Variants in MDM1 observed in about 807,000 individuals in gnomAD.
The protein encoded by MDM1 is stabilizer of axonemal microtubules 6.
Under a neutral mutation model 89.1 loss-of-function variants are expected in MDM1, and 61 were observed. That is an observed-to-expected ratio of 0.68 (90% CI 0.56 to 0.85). The LOEUF is 0.85. Among genes scored for constraint, MDM1 ranks in the 40% least tolerant of loss-of-function variants. The probability of loss-of-function intolerance (pLI) is 0.00; values close to 1 mark genes in which losing one functional copy is unlikely to be tolerated. For missense variants in MDM1, 820 were observed against 846.5 expected (o/e 0.97, Z 0.39); for synonymous variants, 290 against 294.1 (o/e 0.99, Z 0.14).
In MDM1 at chr12:68,302,390, G is replaced by T. The variant is rs141989961; in HGVS notation, c.2002+230C>A. 2.2e-4 allele frequency among the ~76,000 whole-genome samples: 34 copies of T among 152,304 alleles called. No homozygotes were observed. In the East Asian group the frequency reaches 6.2e-3, roughly 28 times the overall value. ...TCTAGTGGATTCCCTGTATGTGTAT[G>T]AATAAGAACTTGAGAGATATCTCAC... On this transcript the variant is annotated intron_variant, in intron 13 of 14. Transcript: ENST00000682720.
At chr12:68,316,499 T>A in intron 8 of MDM1, 82 bp downstream of exon 8, 1 of 1,201,352 alleles carries the variant, frequency 8.3e-7, no homozygotes. Flanking sequence ...CTAAGAAAAA[T>A]ATTGACACCT....
At chr12:68,325,216 T>G in intron 4 of MDM1, 1 of 1,142,394 alleles carries the variant, frequency 8.8e-7, no homozygotes, top group Non-Finnish European at 1.1e-6. Flanking sequence ...TTAGTATATG[T>G]GCTGCATCTG....
In MDM1 at chr12:68,325,536, C is replaced by G. The variant is rs747552889; in HGVS notation, c.538G>C (p.Val180Leu). The change falls in exon 4 of 15, where the codon GTT (valine) becomes CTT (leucine). Residue 180 changes from valine to leucine, a missense_variant. Val to Leu is a conservative substitution (Grantham distance 32, BLOSUM62 1). Transcript: ENST00000682720. ...TTTCTCAAGGCATTATATGAAGGAA[C>G]AACAGTCAATCCAGCTTTCTTACGC... ...LLRKKAGLTV[V>L]PSYNALRNSE... 2 of 1,593,516 alleles carry G rather than the reference C, an allele frequency of 1.3e-6. No individual in the cohort carries two copies. The highest frequency in any genetic ancestry group is 2.3e-5 in the South Asian group (2 of 85,838).
intron 13 of MDM1, among the ~76,000 whole-genome samples, chr12:68,298,299 C>A (rs1259504283): frequency 6.6e-6 from 1 of 152,140 alleles, no homozygotes; most frequent in African/African-American, 2.4e-5. Context: ...AAGCCAGCAC[C>A]CTAAGCCTAT....
intron 12 of MDM1, among the ~76,000 whole-genome samples, chr12:68,305,797 C>T (rs1252212603): frequency 6.6e-6 from 1 of 151,780 alleles, no homozygotes; most frequent in Non-Finnish European, 1.5e-5. Context: ...TCGGAAGAAT[C>T]GATATTGTTA....
At chr12:68,315,587 C>T (rs1874380315) in intron 9 of MDM1, among the ~76,000 whole-genome samples, 1 of 152,166 alleles carries the variant, frequency 6.6e-6, no homozygotes, top group Non-Finnish European at 1.5e-5. Flanking sequence ...AACTAGGACC[C>T]CATGGTCTAA....
At chr12:68,318,032 G>A (rs973134058) in intron 7 of MDM1, among the ~76,000 whole-genome samples, 1 of 152,220 alleles carries the variant, frequency 6.6e-6, no homozygotes, top group African/African-American at 2.4e-5. Flanking sequence ...GAGGGAAAAC[G>A]CAGCACTTAA....
At position 68,316,342 on chromosome 12, in the gene MDM1, ACAGC is replaced by A. The variant is rs962079340; in HGVS notation, c.1036-93_1036-90del. ...AGCATATCAAAGACATTGCACAAAT[ACAGC>A]CAGGGACCAAAGACAAAGGAAGGCA... On this transcript the variant is annotated intron_variant, in intron 8 of 14. Transcript: ENST00000682720. 2.1e-4 allele frequency: 296 copies of A among 1,378,476 alleles called. 1 individual carries two copies. Among genetic ancestry groups the A allele is most frequent in the Middle Eastern group, 4.9e-4 (2 of 4,072 alleles). 85.4% of individuals were successfully genotyped at this position (1,378,476 alleles called of 1,614,324 possible).
chr12:68,319,312 G>T (rs759921405), intron 7 of MDM1, among the ~76,000 whole-genome samples: 10 of 152,132 alleles, frequency 6.6e-5, no homozygotes, highest in Non-Finnish European at 1.5e-4. Flanking sequence ...ACTTGGCATA[G>T]AATTTCCAGT....
intron 2 of MDM1, chr12:68,327,341 A>C (rs1331792688): frequency 6.6e-7 from 1 of 1,520,396 alleles, no homozygotes; most frequent in Non-Finnish European, 8.8e-7. Flanking sequence ...CAGGCAGTAC[A>C]TGCTGCCTCG....
chr12:68,314,417 C>T (rs936968303), intron 10 of MDM1, among the ~76,000 whole-genome samples: 6 of 152,140 alleles, frequency 3.9e-5, no homozygotes, highest in Non-Finnish European at 7.3e-5. Flanking sequence ...TTCCTCACAT[C>T]AAGGCTCAAG....
At chr12:68,296,830 C>T in intron 14 of MDM1, 93 bp downstream of exon 14, 1 of 795,032 alleles carries the variant, frequency 1.3e-6, no homozygotes, top group Non-Finnish European at 1.9e-6. Context: ...TGTGGAAGTA[C>T]TTCATAAGCT....
chr12:68,295,265 C>T lies in MDM1; in HGVS notation c.2164G>A (p.Gly722Ser), dbSNP rs759235456. The T allele has an allele frequency of 6.2e-7, 1 of 1,609,860 alleles. No individual in the cohort carries two copies. Reference protein sequence around the residue: ...RAKKRKENFWGKT With the variant: ...RAKKRKENFWSKT ...CAACTCAGCTAGGTTTATGTTTTAC[C>T]CCAGAAATTCTCCTTCCTTTTCTTA... Residue 722 changes from glycine (G) to serine (S), a missense_variant, in exon 15 of 15, where the codon GGT (glycine) becomes AGT (serine). Gly to Ser is a moderately conservative substitution (Grantham distance 56, BLOSUM62 0). Coordinates refer to ENST00000682720, the MANE Select transcript of MDM1 (RefSeq NM_001354969.2).
At chr12:68,312,885 T>G (rs987285289) in intron 12 of MDM1, among the ~76,000 whole-genome samples, 14 of 152,152 alleles carry the variant, frequency 9.2e-5, no homozygotes, top group African/African-American at 3.4e-4. Flanking sequence ...CACCTAGACC[T>G]TCCCAGATCC....
At chr12:68,308,009 G>A (rs566001897) in intron 12 of MDM1, among the ~76,000 whole-genome samples, 3 of 148,578 alleles carry the variant, frequency 2.0e-5, no homozygotes, top group Admixed American at 6.7e-5. Context: ...ATCCTTACTC[G>A]GCCTCCCTTT....
At chr12:68,300,336 T>TA (rs1871971150) in intron 13 of MDM1, among the ~76,000 whole-genome samples, 3 of 152,122 alleles carry the variant, frequency 2.0e-5, no homozygotes, top group African/African-American at 4.8e-5. Context: ...ACCTCACGTC[T>TA]CAATATTAAC....
intron 7 of MDM1, among the ~76,000 whole-genome samples, chr12:68,316,959 A>C (rs1476076354): frequency 6.6e-6 from 1 of 152,114 alleles, no homozygotes; most frequent in Non-Finnish European, 1.5e-5. Context: ...AGAAGCCCTC[A>C]CTGGGAGATG....
At chr12:68,297,549 T>C (rs948341229) in intron 13 of MDM1, among the ~76,000 whole-genome samples, 6 of 152,104 alleles carry the variant, frequency 3.9e-5, no homozygotes, top group African/African-American at 1.4e-4. Flanking sequence ...AAAGTTGGAG[T>C]GAAGGGAAGA....
rs1195900302 is a variant in MDM1, at chr12:68,302,721, T to A, written c.1901A>T (p.Asn634Ile). The A allele has an allele frequency of 6.2e-7, 1 of 1,613,804 alleles. No homozygotes were observed. The highest frequency in any genetic ancestry group is 1.1e-5 in the South Asian group (1 of 91,070). ...PVSKIPKYPTNPPGQLPSPPH... is the reference protein window; with the variant it reads ...PVSKIPKYPTIPPGQLPSPPH... ...TGGAGAAGGCAACTGTCCAGGGGGA[T>A]TTGTTGGGTATTTTGGAATTTTTGA... Residue 634 changes from asparagine to isoleucine, a missense_variant, in exon 13 of 15, where the codon AAT becomes ATT. Physicochemically the swap from Asn to Ile is moderately radical, Grantham distance 149. Transcript: ENST00000682720.
Sources: allele counts gnomAD v4.1 joint callset (sites outside exome capture counted in the v4.1 genomes callset), GRCh38; gene constraint gnomAD v4.1.1; transcripts MANE v1.5; gene names NCBI Gene and HGNC (gene_info 2026-07-23, HGNC 2026-07-21).